The following CUTC variants were observed in gnomAD, a reference collection of about 807,000 sequenced individuals.
CUTC encodes the protein cutC copper transporter.
Under a neutral mutation model 36.2 loss-of-function variants are expected in CUTC, and 27 were observed. The observed-to-expected ratio is 0.75, with a 90% CI of 0.55 to 1.03. The LOEUF is 1.03. Ranked by LOEUF, CUTC falls within the 50% of genes least tolerant of loss-of-function variation. The probability of loss-of-function intolerance (pLI) is 0.00; values close to 1 mark genes in which losing one functional copy is unlikely to be tolerated. For missense variants in CUTC, 315 were observed against 343.5 expected (o/e 0.92, Z 0.66); for synonymous variants, 114 against 118.3 (o/e 0.96, Z 0.24).
chr10:99,750,260 A>G, intron 6 of CUTC, 109 bp from the exon 7 acceptor site: 1 of 656,332 alleles, frequency 1.5e-6, no homozygotes, highest in Non-Finnish European at 2.3e-6. Flanking sequence ...ATTAATAGTA[A>G]TTTTTAAAAT....
intron 7 of CUTC, among the ~76,000 whole-genome samples, chr10:99,752,003 T>C (rs1564658109): frequency 2.0e-5 from 3 of 152,236 alleles, no homozygotes; most frequent in Non-Finnish European, 4.4e-5. Context: ...GAGGTTTGAA[T>C]AGACTCTGCT....
intron 3 of CUTC, among the ~76,000 whole-genome samples, chr10:99,740,363 T>A (rs1266177219): frequency 6.6e-6 from 1 of 152,164 alleles, no homozygotes; most frequent in Non-Finnish European, 1.5e-5. Context: ...TCAGCTTTTA[T>A]ATGTCTAAAA....
chr10:99,738,389 G>GGT (rs10693937), intron 2 of CUTC, among the ~76,000 whole-genome samples: 44,847 of 142,524 alleles, frequency 0.31, 6,635 homozygotes, highest in East Asian at 0.34. Context: ...ACTCATACAG[G>GGT]GTGTGTGTGT....
chr10:99,738,078 G>A (rs1176844192), intron 2 of CUTC, among the ~76,000 whole-genome samples: 2 of 151,702 alleles, frequency 1.3e-5, no homozygotes, highest in Non-Finnish European at 2.9e-5. Flanking sequence ...CCTGGGAGGC[G>A]GAGGTTGCGT....
chr10:99,750,461 G>T lies in CUTC; in HGVS notation c.601+65G>T. 6 of 1,278,208 alleles carry T rather than the reference G, an allele frequency of 4.7e-6. No individual in the cohort carries two copies. The South Asian group carries it at 8.3e-5, about 18-fold the overall frequency. The allele number at this position is 1,278,208 out of a possible 1,614,324, so 79.2% of individuals were successfully genotyped here. A position where few individuals can be genotyped will look rare whatever the true frequency, so the allele number is the denominator to read the frequency against. On this transcript the variant is annotated intron_variant, in intron 7 of 8. Transcript: ENST00000370476. ...CTATAGTGGAGGAAGAGCAAAGGAG[G>T]CAGGAAAATGTGAGAGAGAGTATTA...
intron 1 of CUTC, among the ~76,000 whole-genome samples, chr10:99,735,123 A>C (rs1411329182): frequency 1.1e-4 from 17 of 150,772 alleles, no homozygotes; most frequent in South Asian, 2.1e-4. Flanking sequence ...AAAAAAAAAA[A>C]AAACAAACTT....
chr10:99,737,920 G>A (rs768708271), intron 2 of CUTC, among the ~76,000 whole-genome samples: 6 of 152,046 alleles, frequency 3.9e-5, no homozygotes, highest in Non-Finnish European at 7.4e-5. Flanking sequence ...AGGCCGAGGC[G>A]GGCGGATCAC....
At chr10:99,748,066 T>C (rs2037391901) in intron 6 of CUTC, among the ~76,000 whole-genome samples, 1 of 152,202 alleles carries the variant, frequency 6.6e-6, no homozygotes, top group Non-Finnish European at 1.5e-5. Flanking sequence ...CTGATGTCAG[T>C]CCAGAGGCAT....
At chr10:99,734,359 G>GCC (rs2037274989) in intron 1 of CUTC, among the ~76,000 whole-genome samples, 1 of 152,176 alleles carries the variant, frequency 6.6e-6, no homozygotes, top group African/African-American at 2.4e-5. Context: ...GAGCCACCGC[G>GCC]CCGGACAGGG....
rs1168329899 is a variant in CUTC, at chr10:99,739,780, A to AC, written c.193+11_193+12insC. The AC allele has an allele frequency of 6.2e-7, 1 of 1,604,044 alleles. No individual in the cohort carries two copies. The highest frequency in any genetic ancestry group is 1.7e-5 in the Admixed American group (1 of 57,402). ...CTACACCCAGCATGGGTAAGTGTCC[A>AC]TTTTTCCCAGGTTTTCTGATTGGAG... On this transcript the variant is annotated intron_variant, in intron 3 of 8. Coordinates refer to ENST00000370476, the MANE Select transcript of CUTC (RefSeq NM_015960.3).
At chr10:99,737,169 C>T (rs1259992269) in intron 2 of CUTC, among the ~76,000 whole-genome samples, 1 of 151,356 alleles carries the variant, frequency 6.6e-6, no homozygotes, top group Non-Finnish European at 1.5e-5. Context: ...ACTTGGGAGG[C>T]TAAGGTGGGA....
At chr10:99,752,084 G>A (rs1423600324) in intron 7 of CUTC, among the ~76,000 whole-genome samples, 3 of 152,106 alleles carry the variant, frequency 2.0e-5, no homozygotes, top group Non-Finnish European at 4.4e-5. Context: ...ACATCAGAAG[G>A]TATTCAGTCT....
intron 7 of CUTC, among the ~76,000 whole-genome samples, chr10:99,754,186 C>T (rs1244539741): frequency 6.6e-6 from 1 of 152,102 alleles, no homozygotes; most frequent in African/African-American, 2.4e-5. Context: ...TGAGGTTGTG[C>T]TTTTGTAGAT....
intron 6 of CUTC, among the ~76,000 whole-genome samples, chr10:99,747,998 A>C (rs1197555232): frequency 6.6e-6 from 1 of 152,208 alleles, no homozygotes; most frequent in Admixed American, 6.5e-5. Context: ...CTGGTGAGCT[A>C]GCATCATTTG....
chr10:99,735,883 G>C (rs1247419951), intron 1 of CUTC, among the ~76,000 whole-genome samples: 1 of 152,160 alleles, frequency 6.6e-6, no homozygotes, highest in African/African-American at 2.4e-5. Flanking sequence ...AGTCTGTCCT[G>C]CTTTTAAACC....
intron 2 of CUTC, among the ~76,000 whole-genome samples, chr10:99,737,939 G>A (rs9665595): frequency 2.0e-5 from 3 of 151,986 alleles, no homozygotes; most frequent in Middle Eastern, 3.2e-3. Flanking sequence ...ACCTGAGGTC[G>A]GGAGTTCGAG....
At chr10:99,754,064 G>A (rs1031489425) in intron 7 of CUTC, among the ~76,000 whole-genome samples, 8 of 152,166 alleles carry the variant, frequency 5.3e-5, no homozygotes, top group South Asian at 2.1e-4. Context: ...AGCTGATATC[G>A]TAACTAATAA....
chr10:99,739,809 A>G (rs758120496), intron 3 of CUTC, 40 bp downstream of exon 3: 2 of 1,571,512 alleles, frequency 1.3e-6, no homozygotes, highest in Non-Finnish European at 1.7e-6. Flanking sequence ...ATTGGAGTTC[A>G]TAGAGCCTGG....
At chr10:99,754,732 G>C (rs1564658673) in intron 8 of CUTC, 98 bp downstream of exon 8, 1 of 783,808 alleles carries the variant, frequency 1.3e-6, no homozygotes, top group African/African-American at 1.7e-5. Context: ...TTAATCAATG[G>C]AATATTGTGA....
Sources: gnomAD v4.1 joint callset for allele counts (sites outside exome capture counted in the v4.1 genomes callset) on GRCh38, gnomAD v4.1.1 for gene constraint, MANE v1.5 for transcripts, NCBI Gene and HGNC (gene_info 2026-07-23, HGNC 2026-07-21) for gene names.